The following DLG2 variants were observed in gnomAD, a reference collection of about 807,000 sequenced individuals.
The protein encoded by DLG2 is disks large homolog 2.
DLG2 carries 45 observed loss-of-function variants against 132.5 expected under a neutral mutation model. The observed-to-expected ratio is 0.34, with a 90% CI of 0.27 to 0.44. DLG2 has a LOEUF of 0.44. Ranked by LOEUF, DLG2 falls within the 20% of genes least tolerant of loss-of-function variation. The probability of loss-of-function intolerance (pLI) is 1.00; values close to 1 mark genes in which losing one functional copy is unlikely to be tolerated. For missense variants in DLG2, 1,045 were observed against 1,196.9 expected (o/e 0.87, Z 1.87); for synonymous variants, 424 against 419.6 (o/e 1.01, Z -0.13).
At chr11:85,447,253 A>C (rs942911973) in intron 3 of DLG2, among the ~76,000 whole-genome samples, 4 of 152,200 alleles carry the variant, frequency 2.6e-5, no homozygotes, top group African/African-American at 9.6e-5. Context: ...GAATACTATG[A>C]TGAAAAACAC....
chr11:84,353,411 C>T (rs1311001721), intron 7 of DLG2, among the ~76,000 whole-genome samples: 1 of 152,134 alleles, frequency 6.6e-6, no homozygotes, highest in Non-Finnish European at 1.5e-5. Context: ...AACTATACAT[C>T]TGAAAGTCAT....
intron 6 of DLG2, among the ~76,000 whole-genome samples, chr11:84,666,734 A>G (rs2099700152): frequency 6.6e-6 from 1 of 152,108 alleles, no homozygotes. Flanking sequence ...ATATTTAAAT[A>G]AAATCACACA....
chr11:85,457,196 T>G (rs913759277), intron 3 of DLG2, among the ~76,000 whole-genome samples: 1 of 152,082 alleles, frequency 6.6e-6, no homozygotes, highest in Non-Finnish European at 1.5e-5. Flanking sequence ...TTTTTTTTTT[T>G]TTTTATCTTT....
chr11:84,948,273 A>G (rs913421994), intron 6 of DLG2, among the ~76,000 whole-genome samples: 1 of 152,162 alleles, frequency 6.6e-6, no homozygotes, highest in Non-Finnish European at 1.5e-5. Context: ...GTTACATTGT[A>G]AGTTACTCTT....
chr11:84,448,994 T>C (rs1374467205), intron 7 of DLG2, among the ~76,000 whole-genome samples: 3 of 151,944 alleles, frequency 2.0e-5, no homozygotes, highest in Non-Finnish European at 4.4e-5. Context: ...GAGACCTATC[T>C]AGCATTTGTT....
chr11:85,607,079 C>T (rs908499620), intron 2 of DLG2, among the ~76,000 whole-genome samples: 9 of 152,182 alleles, frequency 5.9e-5, no homozygotes, highest in African/African-American at 1.9e-4. Context: ...GTGAGATTAT[C>T]GCCTATCGCC....
At chr11:83,849,484 A>T (rs2059259467) in intron 16 of DLG2, among the ~76,000 whole-genome samples, 1 of 151,926 alleles carries the variant, frequency 6.6e-6, no homozygotes, top group South Asian at 2.1e-4. Flanking sequence ...GAAATAAGAC[A>T]TAAATATAGA....
intron 17 of DLG2, among the ~76,000 whole-genome samples, chr11:83,795,887 T>C (rs957417473): frequency 6.6e-6 from 1 of 152,198 alleles, no homozygotes; most frequent in African/African-American, 2.4e-5. Flanking sequence ...CCTCACCATG[T>C]TGACCTTTTA....
intron 17 of DLG2, among the ~76,000 whole-genome samples, chr11:83,832,375 G>GT (rs2054794893): frequency 6.6e-6 from 1 of 152,190 alleles, no homozygotes; most frequent in African/African-American, 2.4e-5. Flanking sequence ...TTCGTCATAA[G>GT]TATGTACAAC....
At chr11:84,650,873 GTA>G (rs71274437) in intron 6 of DLG2, among the ~76,000 whole-genome samples, 11,722 of 123,802 alleles carry the variant, frequency 0.095, 635 homozygotes, top group African/African-American at 0.14. Context: ...GTGTGTGTGT[GTA>G]TATATATATA....
intron 3 of DLG2, among the ~76,000 whole-genome samples, chr11:85,508,063 T>C (rs2153147965): frequency 6.6e-6 from 1 of 152,274 alleles, no homozygotes; most frequent in South Asian, 2.1e-4. Flanking sequence ...CATCAGGTCA[T>C]TTAAGGTCTT....
intron 18 of DLG2, among the ~76,000 whole-genome samples, chr11:83,673,278 C>A (rs1021879507): frequency 1.3e-5 from 2 of 152,108 alleles, no homozygotes; most frequent in Non-Finnish European, 2.9e-5. Flanking sequence ...TAAATAGGCT[C>A]GCTCTTTCAG....
chr11:83,907,137 A>G (rs1298237796), intron 15 of DLG2, among the ~76,000 whole-genome samples: 2 of 152,180 alleles, frequency 1.3e-5, no homozygotes, highest in African/African-American at 4.8e-5. Context: ...TGGGAGAAAC[A>G]GCTTGAGAAA....
At chr11:84,408,207 G>A (rs1014260726) in intron 7 of DLG2, among the ~76,000 whole-genome samples, 1 of 152,170 alleles carries the variant, frequency 6.6e-6, no homozygotes, top group Non-Finnish European at 1.5e-5. Flanking sequence ...AACGGGGGCA[G>A]AAGTGGTATT....
Position 84,166,204 on chromosome 11 carries a change from C to T in DLG2, c.574-2693G>A, listed in dbSNP as rs1381517693. On this transcript the variant is annotated intron_variant, in intron 8 of 27. Coordinates refer to ENST00000376104, the MANE Select transcript of DLG2 (RefSeq NM_001142699.3). The stretch of plus-strand genomic sequence containing the variant: ...GAAAGAATGAGACAGAACAAAAGAA[C>T]TAAGAATACCCCCCCAGGGCTGGGC... Among the ~76,000 whole-genome samples, 4 of 152,096 alleles carry T rather than the reference C, an allele frequency of 2.6e-5. No individual in the cohort carries two copies. In the South Asian group the frequency reaches 8.3e-4, roughly 32 times the overall value.
intron 3 of DLG2, among the ~76,000 whole-genome samples, chr11:85,560,329 A>G (rs757720581): frequency 1.3e-5 from 2 of 151,918 alleles, no homozygotes; most frequent in Non-Finnish European, 2.9e-5. Flanking sequence ...GAAACAACCC[A>G]GATGTCCACC....
At chr11:83,641,320 G>A (rs2066445248) in intron 18 of DLG2, among the ~76,000 whole-genome samples, 1 of 152,126 alleles carries the variant, frequency 6.6e-6, no homozygotes, top group Non-Finnish European at 1.5e-5. Flanking sequence ...CACATAAGAG[G>A]ATTAGCCATA....
At chr11:84,088,476 G>C (rs1266245715) in intron 10 of DLG2, among the ~76,000 whole-genome samples, 1 of 152,156 alleles carries the variant, frequency 6.6e-6, no homozygotes, top group African/African-American at 2.4e-5. Context: ...ATATATGGCA[G>C]TTGACAGAAA....
At chr11:85,505,235 T>G (rs1401952960) in intron 3 of DLG2, among the ~76,000 whole-genome samples, 1 of 152,228 alleles carries the variant, frequency 6.6e-6, no homozygotes, top group Non-Finnish European at 1.5e-5. Context: ...CTGATTACCC[T>G]GGCCAGAACT....
Sources: allele counts gnomAD v4.1 joint callset (sites outside exome capture counted in the v4.1 genomes callset), GRCh38; gene constraint gnomAD v4.1.1; transcripts MANE v1.5; gene names NCBI Gene and HGNC (gene_info 2026-07-23, HGNC 2026-07-21).